Variants in WNT7A observed in about 807,000 individuals in gnomAD.
WNT7A encodes the protein Wnt family member 7A, also known as protein Wnt-7a.
WNT7A carries 16 observed loss-of-function variants against 28.2 expected under a neutral mutation model. The observed-to-expected ratio is 0.57, with a 90% CI of 0.38 to 0.86. The LOEUF (loss-of-function observed/expected upper bound fraction) is 0.86, where lower values mean the gene tolerates loss of function less well. Among genes scored for constraint, WNT7A ranks in the 40% least tolerant of loss-of-function variants. The pLI, the probability that WNT7A is intolerant of heterozygous loss-of-function variation, is 0.00. For synonymous variants in WNT7A, 190 were observed against 195.9 expected (o/e 0.97, Z 0.25); for missense variants, 411 against 489.7 (o/e 0.84, Z 1.52).
At chr3:13,846,164 A>G (rs967793716) in intron 3 of WNT7A, among the ~76,000 whole-genome samples, 5 of 152,260 alleles carry the variant, frequency 3.3e-5, no homozygotes, top group Non-Finnish European at 7.3e-5. Flanking sequence ...AGAGTAGGAG[A>G]GGATGCACGT....
chr3:13,865,060 T>C (rs1694890119), intron 2 of WNT7A, among the ~76,000 whole-genome samples: 1 of 152,082 alleles, frequency 6.6e-6, no homozygotes, highest in Admixed American at 6.5e-5. Context: ...ACATTCTGAG[T>C]ATGGTCAAGC....
At chr3:13,827,278 T>A (rs944285050) in intron 3 of WNT7A, among the ~76,000 whole-genome samples, 1 of 152,048 alleles carries the variant, frequency 6.6e-6, no homozygotes, top group Non-Finnish European at 1.5e-5. Context: ...GCAGCTGGGG[T>A]CTGTAAAGGG....
Position 13,877,576 on chromosome 3 carries a change from T to A in WNT7A, c.71+2170A>T, listed in dbSNP as rs377267865. ...GGTGCAATAGACTAGCCCCTAAGGG[T>A]CTGGCCTAGGTTCTCATCCAAGCTT... is the stretch of plus-strand genomic sequence containing the variant. On this transcript the variant is annotated intron_variant, in intron 1 of 3. Coordinates refer to ENST00000285018, the MANE Select transcript of WNT7A (RefSeq NM_004625.4). Among the ~76,000 whole-genome samples, 9 of 152,254 alleles carry A rather than the reference T, an allele frequency of 5.9e-5. No homozygotes were observed. The East Asian group carries it at 1.2e-3, about 20-fold the overall frequency.
chr3:13,868,359 GGTGTGT>G (rs1694943112), intron 2 of WNT7A, among the ~76,000 whole-genome samples: 6 of 151,888 alleles, frequency 4.0e-5, no homozygotes, highest in Middle Eastern at 3.4e-3. Context: ...CAGGTGAGGT[GGTGTGT>G]GCCTGTAATC....
intron 3 of WNT7A, among the ~76,000 whole-genome samples, chr3:13,851,656 C>A (rs1299674646): frequency 6.6e-6 from 1 of 152,146 alleles, no homozygotes; most frequent in South Asian, 2.1e-4. Flanking sequence ...GTCTTGAGGG[C>A]AAAAACTGTG....
Position 13,846,338 on chromosome 3 carries a change from A to G in WNT7A, c.570+8194T>C, listed in dbSNP as rs145797134. Among the ~76,000 whole-genome samples the G allele has an allele frequency of 8.3e-3, 1,267 of 152,310 alleles. 12 individuals are homozygous for G. The highest frequency in any genetic ancestry group is 0.015 in the Admixed American group (234 of 15,302). Reference sequence around the variant, plus strand: ...ATCAGGAGACTGTGGGGATAAAGGCATCTGAGTCCAAGACTCCTGAGGGTG... The same window carrying G: ...ATCAGGAGACTGTGGGGATAAAGGCGTCTGAGTCCAAGACTCCTGAGGGTG... On this transcript the variant is annotated intron_variant, in intron 3 of 3. Transcript: ENST00000285018.
At chr3:13,841,620 A>G (rs1003463904) in intron 3 of WNT7A, among the ~76,000 whole-genome samples, 12 of 152,324 alleles carry the variant, frequency 7.9e-5, no homozygotes, top group Admixed American at 3.9e-4. Context: ...GGTATAAAAT[A>G]TTCATGTGCT....
chr3:13,856,893 A>AAG (rs1694742752), intron 2 of WNT7A, among the ~76,000 whole-genome samples: 6 of 73,284 alleles, frequency 8.2e-5, no homozygotes, highest in Middle Eastern at 6.4e-3. Context: ...AGAAGAAGAA[A>AAG]AAGAAGAAGA....
intron 1 of WNT7A, chr3:13,876,919 C>T (rs557741994): frequency 3.8e-4 from 58 of 152,334 alleles, no homozygotes; most frequent in African/African-American, 1.3e-3. Context: ...CTTGATTACT[C>T]ATGGTCTACT....
intron 2 of WNT7A, among the ~76,000 whole-genome samples, chr3:13,866,876 G>A (rs1694919129): frequency 6.6e-6 from 1 of 152,164 alleles, no homozygotes; most frequent in African/African-American, 2.4e-5. Flanking sequence ...GCATTTGGAG[G>A]TTGATGTCAT....
chr3:13,878,415 CAG>C (rs1491289785), intron 1 of WNT7A, among the ~76,000 whole-genome samples: 1 of 152,130 alleles, frequency 6.6e-6, no homozygotes, highest in African/African-American at 2.4e-5. Flanking sequence ...AAGATTAAAG[CAG>C]GGGAAAAAAA....
At chr3:13,879,561 C>T (rs1695174769) in intron 1 of WNT7A, among the ~76,000 whole-genome samples, 185 bp downstream of exon 1, 1 of 152,178 alleles carries the variant, frequency 6.6e-6, no homozygotes, top group African/African-American at 2.4e-5. Context: ...AGTCCCCCTG[C>T]CTATATCTCC....
Position 13,854,505 on chromosome 3 carries a change from GCCCAGCTGCCCT to G in WNT7A, c.570+15_570+26del. ...ATTTTGCAGCATCTCCGCGAGCGCCGCCCAGCTGCCCTCCCTGGCTTCCTACCTTTCGGCCTG... is the reference window on the plus strand; with the variant it reads ...ATTTTGCAGCATCTCCGCGAGCGCCGCCCTGGCTTCCTACCTTTCGGCCTG... On this transcript the variant is annotated intron_variant, in intron 3 of 3. Transcript: ENST00000285018. The G allele has an allele frequency of 2.5e-6, 4 of 1,613,714 alleles. No homozygotes were observed. Among genetic ancestry groups the G allele is most frequent in the Non-Finnish European group, 3.4e-6 (4 of 1,180,030 alleles).
At chr3:13,872,654 G>A (rs1304854202) in intron 2 of WNT7A, among the ~76,000 whole-genome samples, 1 of 152,134 alleles carries the variant, frequency 6.6e-6, no homozygotes, top group Non-Finnish European at 1.5e-5. Flanking sequence ...ACTGGCCTCT[G>A]CTCCTCCCTG....
At chr3:13,864,872 T>G (rs1333715738) in intron 2 of WNT7A, among the ~76,000 whole-genome samples, 1 of 152,214 alleles carries the variant, frequency 6.6e-6, no homozygotes, top group Non-Finnish European at 1.5e-5. Flanking sequence ...ACTCAGGCAT[T>G]CTGAATTTTA....
intron 3 of WNT7A, among the ~76,000 whole-genome samples, chr3:13,825,953 G>T (rs1027685846): frequency 3.9e-5 from 6 of 152,272 alleles, no homozygotes; most frequent in African/African-American, 1.4e-4. Flanking sequence ...CACACTCCTC[G>T]GGCCAGGTCA....
At chr3:13,820,973 C>A (rs1188271718) in intron 3 of WNT7A, among the ~76,000 whole-genome samples, 1 of 152,216 alleles carries the variant, frequency 6.6e-6, no homozygotes, top group Admixed American at 6.5e-5. Flanking sequence ...CAGGACCCCC[C>A]CACACGCAGC....
At chr3:13,868,738 A>AAG (rs1431029955) in intron 2 of WNT7A, among the ~76,000 whole-genome samples, 1 of 18,148 alleles carries the variant, frequency 5.5e-5, no homozygotes, top group East Asian at 2.0e-3. Flanking sequence ...GAAAGAAAGA[A>AAG]GAGAAAGAAA....
At chr3:13,855,407 T>C (rs1426907877) in intron 2 of WNT7A, among the ~76,000 whole-genome samples, 2 of 152,198 alleles carry the variant, frequency 1.3e-5, no homozygotes, top group Non-Finnish European at 2.9e-5. Flanking sequence ...TGGCCCCATG[T>C]TTCATTCATG....
Sources: gnomAD v4.1 joint callset for allele counts (sites outside exome capture counted in the v4.1 genomes callset) on GRCh38, gnomAD v4.1.1 for gene constraint, MANE v1.5 for transcripts, NCBI Gene and HGNC (gene_info 2026-07-23, HGNC 2026-07-21) for gene names.